GFOD1: variants seen among roughly 807,000 people sequenced by gnomAD.
GFOD1 encodes the protein glucose-fructose oxidoreductase domain-containing protein 1.
GFOD1 carries 9 observed loss-of-function variants against 25.4 expected under a neutral mutation model. The observed-to-expected ratio is 0.35, with a 90% CI of 0.21 to 0.62. GFOD1 has a LOEUF of 0.62. Ranked by LOEUF, GFOD1 falls within the 20% of genes least tolerant of loss-of-function variation. GFOD1 has a pLI of 0.72. For missense variants in GFOD1, 403 were observed against 556.9 expected, an observed-to-expected ratio of 0.72 and a Z score of 2.78; for synonymous variants, 253 against 245.6, an observed-to-expected ratio of 1.03 and a Z score of -0.28.
intron 1 of GFOD1, among the ~76,000 whole-genome samples, chr6:13,465,190 C>T (rs1252324391): frequency 6.7e-6 from 1 of 149,112 alleles, no homozygotes; most frequent in Non-Finnish European, 1.5e-5. Flanking sequence ...TTGTCTTGGG[C>T]CACATACAAA....
chr6:13,394,412 G>GT lies in GFOD1; in HGVS notation c.254-28751_254-28750insA, dbSNP rs1332580107. Among the ~76,000 whole-genome samples, 230 of 151,910 alleles carry GT rather than the reference G, an allele frequency of 1.5e-3. 1 individual carries two copies. The highest frequency in any genetic ancestry group is 5.2e-3 in the African/African-American group (215 of 41,380). On this transcript the variant is annotated intron_variant, in intron 1 of 1. Coordinates refer to ENST00000379287, the MANE Select transcript of GFOD1 (RefSeq NM_018988.4). ...CTCTGGGCAGGAGAACGGGTGTCTG[G>GT]CGGGGGGAAGGATGGAAGGAGCTTT...
At chr6:13,448,419 C>A (rs1204639950) in intron 1 of GFOD1, among the ~76,000 whole-genome samples, 1 of 152,292 alleles carries the variant, frequency 6.6e-6, no homozygotes, top group East Asian at 1.9e-4. Flanking sequence ...CCCTATAAGG[C>A]ACAGAGCACA....
At chr6:13,485,775 G>A (rs968822278) in intron 1 of GFOD1, among the ~76,000 whole-genome samples, 1 of 152,180 alleles carries the variant, frequency 6.6e-6, no homozygotes, top group African/African-American at 2.4e-5. Flanking sequence ...TCCTGAAGGC[G>A]ATTAGGGAGG....
intron 1 of GFOD1, among the ~76,000 whole-genome samples, chr6:13,422,371 C>A (rs1430433808): frequency 6.6e-6 from 1 of 152,158 alleles, no homozygotes; most frequent in Non-Finnish European, 1.5e-5. Context: ...GGGCTTGAGA[C>A]CCCATCCACC....
chr6:13,446,912 T>C (rs919216097), intron 1 of GFOD1, among the ~76,000 whole-genome samples: 6 of 152,220 alleles, frequency 3.9e-5, no homozygotes, highest in Non-Finnish European at 7.3e-5. Flanking sequence ...AAAACAGAGA[T>C]GGTTTCCCCA....
intron 1 of GFOD1, among the ~76,000 whole-genome samples, chr6:13,389,383 A>G (rs1785538580): frequency 6.6e-6 from 1 of 152,228 alleles, no homozygotes; most frequent in South Asian, 2.1e-4. Context: ...TCAATGATAG[A>G]CTGGATTAAG....
chr6:13,383,267 T>C (rs1374554891), intron 1 of GFOD1, among the ~76,000 whole-genome samples: 1 of 152,240 alleles, frequency 6.6e-6, no homozygotes, highest in East Asian at 1.9e-4. Flanking sequence ...AACTACTTTC[T>C]GTGCTTTAGA....
chr6:13,375,877 T>C (rs1156484693), intron 1 of GFOD1, among the ~76,000 whole-genome samples: 1 of 152,216 alleles, frequency 6.6e-6, no homozygotes, highest in Non-Finnish European at 1.5e-5. Flanking sequence ...TGAAACACTT[T>C]CGAATTTCTG....
chr6:13,414,949 G>A (rs377124946), intron 1 of GFOD1, among the ~76,000 whole-genome samples: 1 of 152,330 alleles, frequency 6.6e-6, no homozygotes. Flanking sequence ...GCTAGAAACA[G>A]AATGAGGCCT....
chr6:13,394,466 ATTTTTTT>A (rs70989855), intron 1 of GFOD1, among the ~76,000 whole-genome samples: 22 of 75,928 alleles, frequency 2.9e-4, no homozygotes, highest in African/African-American at 9.8e-4. Context: ...TACCCTTTGA[ATTTTTTT>A]TTTTTTTTTT....
intron 1 of GFOD1, among the ~76,000 whole-genome samples, chr6:13,481,921 G>T (rs1324445519): frequency 1.3e-5 from 2 of 152,040 alleles, no homozygotes; most frequent in Non-Finnish European, 2.9e-5. Context: ...TTCATTACAT[G>T]GTTGTATAAG....
At chr6:13,402,399 A>G (rs146896859) in intron 1 of GFOD1, among the ~76,000 whole-genome samples, 260 of 152,350 alleles carry the variant, frequency 1.7e-3, no homozygotes, top group African/African-American at 5.6e-3. Flanking sequence ...AAAACCACCG[A>G]CTGAATGGTA....
In GFOD1 at chr6:13,409,286, GAGGAAGGAAGGAAGAA is replaced by G. The variant is rs1562209704; in HGVS notation, c.254-43640_254-43625del. The stretch of plus-strand genomic sequence containing the variant: ...AGAGAGGGAAAGATAGAGAGACAGA[GAGGAAGGAAGGAAGAA>G]AGGAAGGAAGGAAGAAAGGAAGGAA... On this transcript the variant is annotated intron_variant, in intron 1 of 1. Coordinates refer to ENST00000379287, the MANE Select transcript of GFOD1 (RefSeq NM_018988.4). Among the ~76,000 whole-genome samples, 73 of 122,344 alleles carry G rather than the reference GAGGAAGGAAGGAAGAA, an allele frequency of 6.0e-4. 10 individuals are homozygous for G. Among genetic ancestry groups the G allele is most frequent in the Non-Finnish European group, 1.5e-4 (8 of 54,220 alleles). 80.3% of individuals were successfully genotyped at this position (122,344 alleles called of 152,430 possible). A position where few individuals can be genotyped will look rare whatever the true frequency, so the allele number is the denominator to read the frequency against.
chr6:13,397,447 T>C (rs552359606), intron 1 of GFOD1, among the ~76,000 whole-genome samples: 2 of 152,360 alleles, frequency 1.3e-5, no homozygotes, highest in South Asian at 4.1e-4. Flanking sequence ...GATCTGCATC[T>C]TCACTTTTCA....
At chr6:13,454,084 C>A (rs570416356) in intron 1 of GFOD1, among the ~76,000 whole-genome samples, 17 of 152,290 alleles carry the variant, frequency 1.1e-4, no homozygotes, top group Non-Finnish European at 1.9e-4. Flanking sequence ...CAGACACAGG[C>A]ATGCACACAG....
intron 1 of GFOD1, among the ~76,000 whole-genome samples, chr6:13,432,347 G>A (rs938065599): frequency 3.3e-5 from 5 of 151,136 alleles, no homozygotes; most frequent in African/African-American, 1.2e-4. Flanking sequence ...CCAAGTAGCT[G>A]GGACCACAGG....
At chr6:13,380,307 T>C (rs959190824) in intron 1 of GFOD1, among the ~76,000 whole-genome samples, 2 of 152,198 alleles carry the variant, frequency 1.3e-5, no homozygotes, top group African/African-American at 2.4e-5. Flanking sequence ...GAATAGTATA[T>C]GGGAAAGTTT....
At chr6:13,444,491 C>A (rs889634607) in intron 1 of GFOD1, among the ~76,000 whole-genome samples, 1 of 151,098 alleles carries the variant, frequency 6.6e-6, no homozygotes, top group African/African-American at 2.4e-5. Context: ...AACAAATATA[C>A]ACATGCTCCT....
At chr6:13,458,805 G>A (rs1339166997) in intron 1 of GFOD1, among the ~76,000 whole-genome samples, 2 of 138,338 alleles carry the variant, frequency 1.4e-5, no homozygotes, top group Non-Finnish European at 3.1e-5. Flanking sequence ...GGGCTGAAGA[G>A]CATTTGGGGC....
Sources: gnomAD v4.1 joint callset for allele counts (sites outside exome capture counted in the v4.1 genomes callset) on GRCh38, gnomAD v4.1.1 for gene constraint, MANE v1.5 for transcripts, NCBI Gene and HGNC (gene_info 2026-07-23, HGNC 2026-07-21) for gene names.